The following MCM5 variants were observed in gnomAD, a reference collection of about 807,000 sequenced individuals.
MCM5 encodes minichromosome maintenance complex component 5, also known as DNA replication licensing factor MCM5.
A neutral mutation model predicts 79.9 loss-of-function variants in MCM5; 46 were observed. The ratio of observed to expected loss-of-function variants is 0.58; its 90% CI spans 0.45 to 0.74. The LOEUF is 0.74. MCM5 is among the 30% of genes least tolerant of loss of function. The pLI, the probability that MCM5 is intolerant of heterozygous loss-of-function variation, is 0.00. For synonymous variants in MCM5, 404 were observed against 390.5 expected, an observed-to-expected ratio of 1.03 and a Z score of -0.41; for missense variants, 883 against 1,017.0, an observed-to-expected ratio of 0.87 and a Z score of 1.79.
At chr22:35,428,008 G>A (rs951499328), downstream of MCM5, among the ~76,000 whole-genome samples, 19 of 139,956 alleles carry the variant, frequency 1.4e-4, no homozygotes, top group Admixed American at 7.7e-4. Context: ...GACCCCCATC[G>A]CTCTCTCTCT....
At chr22:35,406,307 C>CA (rs1555903423) in intron 4 of MCM5, among the ~76,000 whole-genome samples, 1 of 144,352 alleles carries the variant, frequency 6.9e-6, no homozygotes, top group African/African-American at 2.6e-5. Flanking sequence ...CCTCCCCCCC[C>CA]AATTGTGCTG....
chr22:35,402,361 C>T (rs1215189187), intron 2 of MCM5, among the ~76,000 whole-genome samples: 10 of 149,334 alleles, frequency 6.7e-5, no homozygotes, highest in Admixed American at 2.0e-4. Flanking sequence ...GAGTCTCGCT[C>T]TGTCACCCAG....
intron 16 of MCM5, 93 bp downstream of exon 16, chr22:35,423,434 G>T: frequency 7.1e-7 from 1 of 1,407,664 alleles, no homozygotes; most frequent in Non-Finnish European, 9.5e-7. Context: ...TTACTCAGCA[G>T]ACAGGCCCTG....
chr22:35,412,005 C>T lies in MCM5; in HGVS notation c.920-505C>T, dbSNP rs77626976. The stretch of plus-strand genomic sequence containing the variant: ...TGCTCTTTTCTCTCATCCCCCACAT[C>T]TAATCACTCAGGAACTCTGGCCAGC... On this transcript the variant is annotated intron_variant, in intron 7 of 16. Coordinates refer to ENST00000216122, the MANE Select transcript of MCM5 (RefSeq NM_006739.4). 1.4e-3 allele frequency among the ~76,000 whole-genome samples: 211 copies of T among 152,260 alleles called. 1 individual carries two copies. Among genetic ancestry groups the T allele is most frequent in the African/African-American group, 4.6e-3 (191 of 41,552 alleles).
intron 4 of MCM5, among the ~76,000 whole-genome samples, chr22:35,403,838 A>G (rs1932134150): frequency 6.6e-6 from 1 of 152,126 alleles, no homozygotes; most frequent in Non-Finnish European, 1.5e-5. Flanking sequence ...AAGTAAATTC[A>G]TGCACAGTGG....
At chr22:35,439,300 C>T in the MCM5 span, among the ~76,000 whole-genome samples, 150 of 152,052 alleles carry the variant, frequency 9.9e-4, no homozygotes, top group African/African-American at 3.3e-3. Context: ...CCTGCATATT[C>T]ATCCATCCAA....
chr22:35,401,755 G>T, intron 2 of MCM5: 1 of 468,610 alleles, frequency 2.1e-6, no homozygotes. Context: ...TAAGTCAGAG[G>T]AGTGAGTCGT....
chr22:35,418,618 C>G (rs1932608991), intron 13 of MCM5, among the ~76,000 whole-genome samples: 1 of 151,562 alleles, frequency 6.6e-6, no homozygotes, highest in South Asian at 2.1e-4. Context: ...TGAGATCGTG[C>G]CATTGCACTT....
At chr22:35,415,566 T>C (rs1007208280) in intron 9 of MCM5, among the ~76,000 whole-genome samples, 11 of 152,186 alleles carry the variant, frequency 7.2e-5, no homozygotes, top group Non-Finnish European at 1.6e-4. Context: ...CACAAGACTG[T>C]GTCACAGGGC....
the MCM5 span, among the ~76,000 whole-genome samples, chr22:35,453,528 A>AC: frequency 1.1e-3 from 147 of 135,270 alleles, no homozygotes; most frequent in African/African-American, 3.8e-3. Context: ...CAGAGACAGA[A>AC]AGGGGCAGAG....
rs1352906557 is a variant in MCM5, at chr22:35,424,744, T to G, written c.*489T>G. On this transcript the variant is annotated 3_prime_UTR_variant, in exon 17 of 17. Coordinates refer to ENST00000216122, the MANE Select transcript of MCM5 (RefSeq NM_006739.4). ...AGACCAGGGAGTGGGGAAGCGCTTC[T>G]CAAAGTGTGTGATTTTGATCCGCCT... The G allele has an allele frequency of 6.5e-6, 1 of 152,712 alleles. No individual in the cohort carries two copies. Among genetic ancestry groups the G allele is most frequent in the Non-Finnish European group, 1.5e-5 (1 of 68,376 alleles). 9.5% of individuals were successfully genotyped at this position (152,712 alleles called of 1,614,324 possible).
rs1932527592 is a variant in MCM5, at chr22:35,415,941, G to C, written c.1316G>C (p.Gly439Ala). Residue 439 changes from glycine (G) to alanine (A), a missense_variant, in exon 10 of 17, where the codon GGT (glycine) becomes GCT (alanine). Around this residue, in one of 3 missense-constraint regions of MCM5, gnomAD observed 426 missense variants for 482.3 expected, o/e 0.88. Transcript: ENST00000216122. ...GGCGGAGCCATGGTCCTGGCCGATG[G>C]TGGGGTCGTCTGTATTGACGAGTTT... Reference protein sequence around the residue: ...MEGGAMVLADGGVVCIDEFDK... With the variant: ...MEGGAMVLADAGVVCIDEFDK... 6.2e-7 allele frequency: 1 copy of C among 1,614,082 alleles called. No homozygotes were observed.
chr22:35,425,658 C>T (rs1461574331), downstream of MCM5, among the ~76,000 whole-genome samples: 1 of 152,004 alleles, frequency 6.6e-6, no homozygotes, highest in East Asian at 1.9e-4. Flanking sequence ...ACTGGGCGCG[C>T]TGTGGGTTTT....
At chr22:35,416,096 A>G in intron 10 of MCM5, 124 bp downstream of exon 10, 1 of 1,245,676 alleles carries the variant, frequency 8.0e-7, no homozygotes, top group Non-Finnish European at 1.1e-6. Flanking sequence ...TGGGCCGGTC[A>G]CTCTAGTAAC....
At chr22:35,431,659 A>G in the MCM5 span, among the ~76,000 whole-genome samples, 1 of 152,120 alleles carries the variant, frequency 6.6e-6, no homozygotes, top group Non-Finnish European at 1.5e-5. Context: ...GGAACCCATC[A>G]GCTTCTAGCA....
chr22:35,441,554 T>C, the MCM5 span, among the ~76,000 whole-genome samples: 3 of 152,178 alleles, frequency 2.0e-5, no homozygotes. Context: ...AGGCACAGGC[T>C]AAGTCACATA....
At chr22:35,433,546 C>T in the MCM5 span, among the ~76,000 whole-genome samples, 2 of 152,188 alleles carry the variant, frequency 1.3e-5, no homozygotes, top group Non-Finnish European at 2.9e-5. Context: ...GGGGGTCTCT[C>T]ATTTCATTGG....
chr22:35,445,326 T>G, the MCM5 span, among the ~76,000 whole-genome samples: 2 of 17,776 alleles, frequency 1.1e-4, no homozygotes, highest in Admixed American at 9.8e-4. Flanking sequence ...TTGACTATGC[T>G]TTTTTTTTTT....
At chr22:35,408,824 G>A (rs1318452365) in intron 6 of MCM5, among the ~76,000 whole-genome samples, 1 of 152,248 alleles carries the variant, frequency 6.6e-6, no homozygotes, top group Non-Finnish European at 1.5e-5. Flanking sequence ...CCTGTGTGGA[G>A]GAGAGCCGGG....
Sources: allele counts gnomAD v4.1 joint callset (sites outside exome capture counted in the v4.1 genomes callset), GRCh38; gene constraint gnomAD v4.1.1; regional missense constraint gnomAD v4.1.1; transcripts MANE v1.5; gene names NCBI Gene and HGNC (gene_info 2026-07-23, HGNC 2026-07-21).